The following PDE4D variants were observed in gnomAD, a reference collection of about 807,000 sequenced individuals.
PDE4D encodes phosphodiesterase 4D, also known as 3',5'-cyclic-AMP phosphodiesterase 4D.
In PDE4D, 24 loss-of-function variants were observed where a neutral mutation model predicts 87.4. The observed-to-expected ratio is 0.27, with a 90% CI of 0.20 to 0.39. The LOEUF (loss-of-function observed/expected upper bound fraction) is 0.39, where lower values mean the gene tolerates loss of function less well. Among genes scored for constraint, PDE4D ranks in the 10% least tolerant of loss-of-function variants. The probability of loss-of-function intolerance (pLI) is 1.00; values close to 1 mark genes in which losing one functional copy is unlikely to be tolerated. For missense variants in PDE4D, 714 were observed against 1,041.0 expected, an observed-to-expected ratio of 0.69 and a Z score of 4.32; for synonymous variants, 384 against 383.2, an observed-to-expected ratio of 1.00 and a Z score of -0.02.
Position 59,137,525 on chromosome 5 carries a change from C to CTT in PDE4D, c.808+43068_808+43069dup, listed in dbSNP as rs61134818. Among the ~76,000 whole-genome samples the CTT allele has an allele frequency of 6.3e-3, 885 of 139,558 alleles. 3 individuals are homozygous for CTT. Among genetic ancestry groups the CTT allele is most frequent in the African/African-American group, 0.018 (689 of 37,952 alleles). The allele number at this position is 139,558 out of a possible 152,430, so 91.6% of individuals were successfully genotyped here. ...AAGAATATTTTAAGAGGGAAAGTTT[C>CTT]TTTTTTTTTTTTTTTTCTTGAGATG... On this transcript the variant is annotated intron_variant, in intron 5 of 14. Coordinates refer to ENST00000340635, the MANE Select transcript of PDE4D (RefSeq NM_001104631.2).
intron 1 of PDE4D, among the ~76,000 whole-genome samples, chr5:59,649,902 AAC>A (rs1301335347): frequency 0.062 from 2,708 of 43,788 alleles, 327 homozygotes; most frequent in South Asian, 0.14. Context: ...ATAGTTTGTG[AAC>A]CTTTTTTTTT....
chr5:60,001,584 A>G (rs778888177), intron 2 of PDE4D, among the ~76,000 whole-genome samples: 1 of 152,206 alleles, frequency 6.6e-6, no homozygotes, highest in Non-Finnish European at 1.5e-5. Context: ...AGGTAAATAC[A>G]TAATTAAATT....
intron 2 of PDE4D, among the ~76,000 whole-genome samples, chr5:60,039,171 A>G (rs1211253307): frequency 6.6e-6 from 1 of 152,132 alleles, no homozygotes; most frequent in African/African-American, 2.4e-5. Context: ...ACAATAGCAA[A>G]GACTTGGAAC....
At chr5:60,318,897 C>T (rs376683101) in intron 1 of PDE4D, among the ~76,000 whole-genome samples, 3 of 152,096 alleles carry the variant, frequency 2.0e-5, no homozygotes, top group African/African-American at 2.4e-5. Flanking sequence ...ACCCGACCTT[C>T]CTCTCTGGCT....
chr5:59,764,911 C>T (rs1259531357), intron 1 of PDE4D, among the ~76,000 whole-genome samples: 1 of 152,050 alleles, frequency 6.6e-6, no homozygotes, highest in African/African-American at 2.4e-5. Context: ...CCCTCCTCAG[C>T]CTCCCAAAGT....
intron 2 of PDE4D, among the ~76,000 whole-genome samples, chr5:60,054,814 A>G (rs796111179): frequency 5.3e-5 from 8 of 152,286 alleles, no homozygotes; most frequent in African/African-American, 1.9e-4. Context: ...TTCTACCTGC[A>G]GAAAACAAAC....
intron 2 of PDE4D, among the ~76,000 whole-genome samples, chr5:60,026,796 T>C (rs1372930799): frequency 3.3e-5 from 5 of 152,170 alleles, no homozygotes; most frequent in African/African-American, 9.7e-5. Context: ...TGCCGTGGCA[T>C]TTAAAATAAA....
At chr5:59,556,540 A>T (rs1818949183) in intron 1 of PDE4D, among the ~76,000 whole-genome samples, 1 of 152,224 alleles carries the variant, frequency 6.6e-6, no homozygotes, top group Non-Finnish European at 1.5e-5. Flanking sequence ...TTATCCAAAC[A>T]GTATCCCAGG....
chr5:59,738,624 T>A (rs1383473543), intron 1 of PDE4D, among the ~76,000 whole-genome samples: 1 of 152,028 alleles, frequency 6.6e-6, no homozygotes, highest in Non-Finnish European at 1.5e-5. Context: ...CCTTTAGTGT[T>A]GTATGGTTTG....
In PDE4D at chr5:59,038,943, C is replaced by G. The variant is rs1251062427; in HGVS notation, c.837G>C (p.Glu279Asp). 1 of 1,598,502 alleles carries G rather than the reference C, an allele frequency of 6.3e-7. No homozygotes were observed. Among genetic ancestry groups the G allele is most frequent in the Non-Finnish European group, 8.5e-7 (1 of 1,172,086 alleles). ...GACACCAGTCCAGCTCCTCCAGGGTCTCGCTGGCCAGTTTCTGGTAGGCCT... is the reference window on the plus strand; with the variant it reads ...GACACCAGTCCAGCTCCTCCAGGGTGTCGCTGGCCAGTTTCTGGTAGGCCT... ...TEEAYQKLASETLEELDWCLD... is the reference protein window; with the variant it reads ...TEEAYQKLASDTLEELDWCLD... The change falls in exon 6 of 15, where the codon GAG (glutamate) becomes GAC (aspartate). Residue 279 changes from glutamate to aspartate, a missense_variant. Transcript: ENST00000340635.
intron 1 of PDE4D, among the ~76,000 whole-genome samples, chr5:59,612,232 G>GT (rs58203288): frequency 0.21 from 11,093 of 52,802 alleles, 580 homozygotes; most frequent in Admixed American, 0.34. Context: ...GATTGACACT[G>GT]TTTTTTTTGT....
At chr5:59,947,352 C>A (rs72753219) in intron 3 of PDE4D, among the ~76,000 whole-genome samples, 1 of 151,978 alleles carries the variant, frequency 6.6e-6, no homozygotes, top group Non-Finnish European at 1.5e-5. Flanking sequence ...TCCTGATTCA[C>A]GGAAACAGGA....
chr5:59,030,277 A>G (rs1204862950), intron 6 of PDE4D, among the ~76,000 whole-genome samples: 1 of 152,102 alleles, frequency 6.6e-6, no homozygotes, highest in Non-Finnish European at 1.5e-5. Flanking sequence ...TCTGCAAACC[A>G]TACATCTGAT....
At chr5:59,645,385 G>A (rs298026) in intron 1 of PDE4D, among the ~76,000 whole-genome samples, 1 of 152,182 alleles carries the variant, frequency 6.6e-6, no homozygotes, top group African/African-American at 2.4e-5. Context: ...AGAAGTTTAA[G>A]ATCAATGTCT....
chr5:59,503,661 T>C (rs1421204927), intron 1 of PDE4D, among the ~76,000 whole-genome samples: 3 of 152,182 alleles, frequency 2.0e-5, no homozygotes, highest in Non-Finnish European at 4.4e-5. Context: ...TGTTTCACTA[T>C]AATTTTCAAG....
Position 58,975,102 on chromosome 5 carries a change from T to G in PDE4D, c.2014-22A>C. 7.0e-7 allele frequency: 1 copy of G among 1,428,022 alleles called. No individual in the cohort carries two copies. Among genetic ancestry groups the G allele is most frequent in the Non-Finnish European group, 9.3e-7 (1 of 1,075,338 alleles). 88.5% of individuals were successfully genotyped at this position (1,428,022 alleles called of 1,614,324 possible). A position where few individuals can be genotyped will look rare whatever the true frequency, so the allele number is the denominator to read the frequency against. ...CCACCTAGTTAAGAAAAAAATCCAG[T>G]ATGAGTAGAGGACTTGGGACTAAGA... On this transcript the variant is annotated intron_variant, in intron 14 of 14. Coordinates refer to ENST00000340635, the MANE Select transcript of PDE4D (RefSeq NM_001104631.2). The surrounding 1 kb of genome is among the most constrained non-coding windows in gnomAD (Gnocchi z 4.2).
chr5:59,950,304 G>C (rs931150745), intron 3 of PDE4D, among the ~76,000 whole-genome samples: 2 of 152,012 alleles, frequency 1.3e-5, no homozygotes, highest in African/African-American at 4.8e-5. Flanking sequence ...TATCTTTTGA[G>C]GGAAGGCCAG....
At chr5:59,621,813 T>C (rs1830385877) in intron 1 of PDE4D, among the ~76,000 whole-genome samples, 1 of 152,192 alleles carries the variant, frequency 6.6e-6, no homozygotes, top group African/African-American at 2.4e-5. Flanking sequence ...AACAAGAATA[T>C]GATGCTAAAT....
rs114218478 is a variant in PDE4D at position 60,364,961 on chromosome 5, G to A, written c.-90+122981C>T. 2.7e-3 allele frequency among the ~76,000 whole-genome samples: 415 copies of A among 152,152 alleles called. 4 individuals carry two copies. Among genetic ancestry groups the A allele is most frequent in the African/African-American group, 9.6e-3 (400 of 41,508 alleles). ...ACATTTTAAAAACCTTGATAGACTC[G>A]CTTCAGAAAATAAATTTTTTTTAAA... On this transcript the variant is annotated intron_variant, in intron 1 of 16. Transcript: ENST00000502484.
Sources: gnomAD v4.1 joint callset for allele counts (sites outside exome capture counted in the v4.1 genomes callset) on GRCh38, gnomAD v4.1.1 for gene constraint, Gnocchi (gnomAD v3.1) non-coding constraint, MANE v1.5 for transcripts, NCBI Gene and HGNC (gene_info 2026-07-23, HGNC 2026-07-21) for gene names.